The following TLN2 variants were observed in gnomAD, a reference collection of about 807,000 sequenced individuals.
The protein encoded by TLN2 is talin 2.
In TLN2, 118 loss-of-function variants were observed where a neutral mutation model predicts 294.7. The ratio of observed to expected loss-of-function variants is 0.40; its 90% CI spans 0.34 to 0.47. TLN2 has a LOEUF of 0.47. Among genes scored for constraint, TLN2 ranks in the 20% least tolerant of loss-of-function variants. The pLI, the probability that TLN2 is intolerant of heterozygous loss-of-function variation, is 0.84. For synonymous variants in TLN2, 1,431 were observed against 1,304.5 expected, an observed-to-expected ratio of 1.10 and a Z score of -2.09; for missense variants, 3,083 against 3,282.2, an observed-to-expected ratio of 0.94 and a Z score of 1.48.
intron 9 of TLN2, among the ~76,000 whole-genome samples, chr15:62,667,932 C>T (rs2054915713): frequency 6.6e-6 from 1 of 152,286 alleles, no homozygotes; most frequent in South Asian, 2.1e-4. Flanking sequence ...ATTATGTCCT[C>T]TGAGTGAAAT....
chr15:62,792,906 T>A (rs977736159), intron 46 of TLN2, 119 bp downstream of exon 46: 1 of 1,463,992 alleles, frequency 6.8e-7, no homozygotes, highest in South Asian at 1.3e-5. Context: ...CTCAGCTGTC[T>A]CATCCCGATC....
At chr15:62,701,430 C>T (rs974156736) in intron 17 of TLN2, among the ~76,000 whole-genome samples, 7 of 152,164 alleles carry the variant, frequency 4.6e-5, no homozygotes, top group Non-Finnish European at 1.0e-4. Flanking sequence ...TATCATGCAT[C>T]CTCATTAAAA....
chr15:62,764,055 CT>C (rs1288486852), intron 40 of TLN2, among the ~76,000 whole-genome samples: 1 of 152,152 alleles, frequency 6.6e-6, no homozygotes, highest in Non-Finnish European at 1.5e-5. Flanking sequence ...GAATAATTCT[CT>C]GTTGTCGTAT....
chr15:62,602,174 C>T (rs1226973747), intron 2 of TLN2, among the ~76,000 whole-genome samples: 1 of 151,790 alleles, frequency 6.6e-6, no homozygotes, highest in African/African-American at 2.4e-5. Flanking sequence ...ATTATTAGTT[C>T]ATACTGATAC....
chr15:62,772,112 T>A (rs1382320270), intron 42 of TLN2, among the ~76,000 whole-genome samples: 2 of 152,128 alleles, frequency 1.3e-5, no homozygotes, highest in African/African-American at 4.8e-5. Context: ...GCTCATTTAT[T>A]TACTTATTTA....
intron 3 of TLN2, chr15:62,640,392 G>A (rs755140721): frequency 1.8e-5 from 8 of 455,624 alleles, no homozygotes; most frequent in East Asian, 6.9e-5. Flanking sequence ...GGGGACGGTG[G>A]CCAGCTCTTA....
chr15:62,530,518 G>C (rs1007229879), intron 1 of TLN2, among the ~76,000 whole-genome samples: 1 of 151,972 alleles, frequency 6.6e-6, no homozygotes, highest in African/African-American at 2.4e-5. Flanking sequence ...CACCATGCCC[G>C]GCTAATTTTT....
intron 1 of TLN2, among the ~76,000 whole-genome samples, chr15:62,528,936 C>G (rs1369345901): frequency 6.6e-6 from 1 of 152,208 alleles, no homozygotes; most frequent in East Asian, 1.9e-4. Flanking sequence ...TTCTCTACAG[C>G]ATAGCTGAAC....
chr15:62,702,136 C>G lies in TLN2; in HGVS notation c.1841C>G (p.Ala614Gly), dbSNP rs1356569186. ...EVGSGEDLLR[A>G]ARTLAGAVSD... ...GGCAGCGGGGAGGACTTGCTCAGAG[C>G]TGCCAGGACCCTCGCTGGGGCGGTG... Residue 614 changes from alanine (A) to glycine (G), a missense_variant, in exon 18 of 59, where the codon GCT becomes GGT. Ala to Gly is a moderately conservative substitution (Grantham distance 60). Transcript: ENST00000636159. 2 of 1,613,712 alleles carry G rather than the reference C, an allele frequency of 1.2e-6. No individual in the cohort carries two copies.
At chr15:62,790,607 C>G (rs1051837396) in intron 45 of TLN2, among the ~76,000 whole-genome samples, 1 of 152,204 alleles carries the variant, frequency 6.6e-6, no homozygotes, top group Admixed American at 6.5e-5. Context: ...AGCACTTTAT[C>G]CTTTAAAGAT....
chr15:62,633,111 C>T (rs558611753), intron 3 of TLN2, among the ~76,000 whole-genome samples: 3 of 152,288 alleles, frequency 2.0e-5, no homozygotes, highest in African/African-American at 7.2e-5. Flanking sequence ...TTCACAGTGC[C>T]ATGTAGTTAA....
intron 37 of TLN2, among the ~76,000 whole-genome samples, chr15:62,758,138 G>C (rs144320757): frequency 2.4e-3 from 371 of 152,208 alleles, no homozygotes; most frequent in Non-Finnish European, 3.8e-3. Context: ...AATCCCAGCT[G>C]CCACACCCTT....
intron 1 of TLN2, among the ~76,000 whole-genome samples, chr15:62,537,042 G>C (rs1423492411): frequency 6.7e-6 from 1 of 149,628 alleles, no homozygotes; most frequent in African/African-American, 2.5e-5. Context: ...TTTTTTGGAC[G>C]GAGTCTTGCT....
At chr15:62,654,556 C>G (rs1013058631) in intron 7 of TLN2, among the ~76,000 whole-genome samples, 1 of 151,742 alleles carries the variant, frequency 6.6e-6, no homozygotes, top group Non-Finnish European at 1.5e-5. Flanking sequence ...GAGTTTGAGA[C>G]CAGCCTGACC....
intron 1 of TLN2, among the ~76,000 whole-genome samples, chr15:62,397,980 AACC>A (rs1595717538): frequency 6.6e-6 from 1 of 152,074 alleles, no homozygotes; most frequent in African/African-American, 2.4e-5. Flanking sequence ...TTCTATGGAG[AACC>A]ACTGGTTTAG....
In TLN2 at chr15:62,656,083, T is replaced by C. The variant is rs1358980261; in HGVS notation, c.657T>C (p.Val219=). 2 of 1,614,170 alleles carry C rather than the reference T, an allele frequency of 1.2e-6. No individual in the cohort carries two copies. ...CCGTGCAGCTGAACTTGCTTTATGT[T>C]CAGGTACAGTATTTACTGCTCAGAC... is the stretch of plus-strand genomic sequence containing the variant. The part of the protein sequence containing the change: ...RDPVQLNLLY[V]QARDDILNGS... Residue 219 remains valine (V), a synonymous_variant, in exon 8 of 59, where the codon GTT becomes GTC. Transcript: ENST00000636159.
Position 62,647,356 on chromosome 15 carries a change from G to T in TLN2, c.46G>T (p.Val16Leu). Residue 16 changes from valine (V) to leucine (L), a missense_variant, in exon 4 of 59, where the codon GTG (valine) becomes TTG (leucine). By Grantham distance (32) the Val-to-Leu change is conservative. Coordinates refer to ENST00000636159, the MANE Select transcript of TLN2 (RefSeq NM_015059.3). ...GATTTGTGTGCGCCACTGCAACGTGGTGAAGACCATGCAGTTTGAACCATC... is the reference window on the plus strand; with the variant it reads ...GATTTGTGTGCGCCACTGCAACGTGTTGAAGACCATGCAGTTTGAACCATC... ...LKICVRHCNV[V>L]KTMQFEPSTA... 1.2e-6 allele frequency: 2 copies of T among 1,614,228 alleles called. No homozygotes were observed. Among genetic ancestry groups the T allele is most frequent in the Non-Finnish European group, 1.7e-6 (2 of 1,180,048 alleles).
chr15:62,501,507 A>G (rs2039304521), intron 1 of TLN2, among the ~76,000 whole-genome samples: 1 of 152,132 alleles, frequency 6.6e-6, no homozygotes, highest in Non-Finnish European at 1.5e-5. Context: ...TGAAGCTTGC[A>G]CTCACACTGC....
intron 37 of TLN2, among the ~76,000 whole-genome samples, chr15:62,757,450 TA>T (rs1490956372): frequency 6.6e-6 from 1 of 152,214 alleles, no homozygotes; most frequent in Non-Finnish European, 1.5e-5. Flanking sequence ...TTCTGGTCGT[TA>T]AAAAACATTA....
Sources: allele counts gnomAD v4.1 joint callset (sites outside exome capture counted in the v4.1 genomes callset), GRCh38; gene constraint gnomAD v4.1.1; transcripts MANE v1.5; gene names NCBI Gene and HGNC (gene_info 2026-07-23, HGNC 2026-07-21).